Variants in RHOT1 observed in about 807,000 individuals in gnomAD.
RHOT1 encodes the protein ras homolog family member T1, also known as mitochondrial Rho GTPase 1.
RHOT1 carries 27 observed loss-of-function variants against 95.3 expected under a neutral mutation model. The observed-to-expected ratio is 0.28, with a 90% CI of 0.21 to 0.39. The LOEUF is 0.39. Among genes scored for constraint, RHOT1 ranks in the 10% least tolerant of loss-of-function variants. The probability of loss-of-function intolerance (pLI) is 1.00; values close to 1 mark genes in which losing one functional copy is unlikely to be tolerated. For missense variants in RHOT1, 578 were observed against 786.7 expected, an observed-to-expected ratio of 0.73 and a Z score of 3.17; for synonymous variants, 227 against 263.5, an observed-to-expected ratio of 0.86 and a Z score of 1.34.
chr17:32,151,207 G>A (rs769374384), intron 1 of RHOT1: 7 of 756,214 alleles, frequency 9.3e-6, no homozygotes, highest in Non-Finnish European at 1.7e-5. Flanking sequence ...CTGGGAACAT[G>A]GTCTGGCTAA....
At chr17:32,173,717 AAAAAAAG>A (rs1020908638) in intron 2 of RHOT1, 107 bp from the exon 3 acceptor site, 2 of 761,624 alleles carry the variant, frequency 2.6e-6, no homozygotes, top group South Asian at 1.8e-5. Context: ...CATTAAAAAA[AAAAAAAG>A]AAAAGAAACA....
In RHOT1 at chr17:32,183,178, C is replaced by T. The variant is rs1205433842; in HGVS notation, c.446C>T (p.Ala149Val). Residue 149 changes from alanine (A) to valine (V), a missense_variant, in exon 8 of 20, where the codon GCG (alanine) becomes GTG (valine). Ala to Val is a moderately conservative substitution (Grantham distance 64). This residue lies in a region of RHOT1 where 227 missense variants were observed against 316.0 expected (regional missense o/e 0.72). Coordinates refer to ENST00000545287, the MANE Select transcript of RHOT1 (RefSeq NM_001033566.3). ...AAAATTTTATTTTTTCAGTGTTCAG[C>T]GAAAAACCTGAAGAACATATCAGAG... ...TEIETCVECS[A>V]KNLKNISELF... The T allele has an allele frequency of 3.2e-6, 5 of 1,576,032 alleles. No individual in the cohort carries two copies. Among genetic ancestry groups the T allele is most frequent in the South Asian group, 1.2e-5 (1 of 85,188 alleles).
At chr17:32,178,212 C>CT (rs2035186293) in intron 6 of RHOT1, among the ~76,000 whole-genome samples, 1 of 149,738 alleles carries the variant, frequency 6.7e-6, no homozygotes, top group East Asian at 2.0e-4. Flanking sequence ...CTCCCCCCCC[C>CT]CAGTGATCTC....
rs909264727 is a variant in RHOT1 at position 32,142,603 on chromosome 17, C to T, written c.-90C>T. The T allele has an allele frequency of 5.0e-6, 6 of 1,200,532 alleles. No individual in the cohort carries two copies. Among genetic ancestry groups the T allele is most frequent in the Non-Finnish European group, 6.6e-6 (6 of 904,398 alleles). The allele number at this position is 1,200,532 out of a possible 1,614,324, so 74.4% of individuals were successfully genotyped here. A position where few individuals can be genotyped will look rare whatever the true frequency, so the allele number is the denominator to read the frequency against. On this transcript the variant is annotated 5_prime_UTR_variant, in exon 1 of 20. Coordinates refer to ENST00000545287, the MANE Select transcript of RHOT1 (RefSeq NM_001033566.3). ...CGGCGGGCCCCGGCGGCCGAAGAGG[C>T]TGGCAGGTGGCGCCGTGGGGTGGGT...
In RHOT1 at chr17:32,161,388, A is replaced by G. The variant is rs192052836; in HGVS notation, c.38-9655A>G. Reference sequence around the variant, plus strand: ...ATATGAAAAACATCTCAAAATGCCAATTGTAGGCTCTATTATCGTGATGTT... The same window carrying G: ...ATATGAAAAACATCTCAAAATGCCAGTTGTAGGCTCTATTATCGTGATGTT... On this transcript the variant is annotated intron_variant, in intron 1 of 19. Transcript: ENST00000545287. Among the ~76,000 whole-genome samples, 296 of 152,320 alleles carry G rather than the reference A, an allele frequency of 1.9e-3. 1 individual carries two copies. Among genetic ancestry groups the G allele is most frequent in the African/African-American group, 6.9e-3 (285 of 41,562 alleles).
chr17:32,182,865 G>C lies in RHOT1; in HGVS notation c.438G>C (p.Glu146Asp), dbSNP rs1567689320. 6.7e-7 allele frequency: 1 copy of C among 1,497,676 alleles called. No individual in the cohort carries two copies. The highest frequency in any genetic ancestry group is 1.9e-5 in the Admixed American group (1 of 51,662). The allele number at this position is 1,497,676 out of a possible 1,614,324, so 92.8% of individuals were successfully genotyped here. A position where few individuals can be genotyped will look rare whatever the true frequency, so the allele number is the denominator to read the frequency against. ...NQYTEIETCV[E>D]CSAKNLKNIS... Reference sequence around the variant, plus strand: ...ATACAGAAATAGAAACCTGTGTGGAGGTATGCCTTGTAATTTGATTTGAAA... The same window carrying C: ...ATACAGAAATAGAAACCTGTGTGGACGTATGCCTTGTAATTTGATTTGAAA... The change falls in exon 7 of 20, where the codon GAG (glutamate) becomes GAC (aspartate). Residue 146 changes from glutamate (E) to aspartate (D), a missense_variant and splice_region_variant. Coordinates refer to ENST00000545287, the MANE Select transcript of RHOT1 (RefSeq NM_001033566.3).
intron 16 of RHOT1, among the ~76,000 whole-genome samples, chr17:32,205,242 C>T (rs945671671): frequency 1.3e-5 from 2 of 151,962 alleles, no homozygotes; most frequent in Non-Finnish European, 2.9e-5. Context: ...TGTTCAACTC[C>T]CACACTTATG....
chr17:32,197,899 A>G (rs1451745791), intron 11 of RHOT1, among the ~76,000 whole-genome samples: 1 of 150,142 alleles, frequency 6.7e-6, no homozygotes, highest in Non-Finnish European at 1.5e-5. Flanking sequence ...GTTTGTTTTT[A>G]TGTTTGTTTG....
intron 19 of RHOT1, among the ~76,000 whole-genome samples, chr17:32,219,982 C>G (rs2038725126): frequency 6.6e-6 from 1 of 152,124 alleles, no homozygotes. Context: ...CATTTTTGAC[C>G]TTGTAACATT....
chr17:32,150,791 T>C, intron 1 of RHOT1: 2 of 1,567,378 alleles, frequency 1.3e-6, no homozygotes, highest in Non-Finnish European at 1.7e-6. Flanking sequence ...GGACTCTCAG[T>C]GAAGGTAGAG....
At chr17:32,194,808 A>G (rs1006206900) in intron 11 of RHOT1, among the ~76,000 whole-genome samples, 21 of 139,482 alleles carry the variant, frequency 1.5e-4, no homozygotes, top group African/African-American at 3.4e-4. Context: ...CGACTGGTCT[A>G]TTTGTGGTTC....
In RHOT1 at chr17:32,148,819, G is replaced by A. The variant is rs151155709; in HGVS notation, c.37+6090G>A. On this transcript the variant is annotated intron_variant, in intron 1 of 19. Coordinates refer to ENST00000545287, the MANE Select transcript of RHOT1 (RefSeq NM_001033566.3). The stretch of plus-strand genomic sequence containing the variant: ...AGTATGGCTGGTAGATTGGTAATTG[G>A]AACCAGAGAATGTTATTTCTGCTTC... Among the ~76,000 whole-genome samples, 334 of 152,306 alleles carry A rather than the reference G, an allele frequency of 2.2e-3. 1 individual carries two copies. Among genetic ancestry groups the A allele is most frequent in the African/African-American group, 7.5e-3 (312 of 41,578 alleles).
intron 9 of RHOT1, among the ~76,000 whole-genome samples, chr17:32,192,830 C>T (rs2036598270): frequency 1.3e-5 from 2 of 152,060 alleles, no homozygotes; most frequent in African/African-American, 4.8e-5. Context: ...CGCCACAACA[C>T]CCAGCTAATT....
chr17:32,224,649 G>A lies in RHOT1; in HGVS notation c.1896G>A (p.Thr632=), dbSNP rs763253696. 17 of 1,613,314 alleles carry A rather than the reference G, an allele frequency of 1.1e-5. No homozygotes were observed. The highest frequency in any genetic ancestry group is 1.7e-5 in the Admixed American group (1 of 59,972). ...CACAAGCTGACCTCAAGAGCTCCAC[G>A]TTTTGGCTTCGAGCAAGTTTTGGTG... ...HVTQADLKSS[T]FWLRASFGAT... is the part of the protein sequence containing the mutation. Residue 632 remains threonine (T), a synonymous_variant, in exon 20 of 20, where the codon ACG becomes ACA. Transcript: ENST00000545287.
intron 19 of RHOT1, among the ~76,000 whole-genome samples, chr17:32,219,337 A>G (rs2038681908): frequency 6.6e-6 from 1 of 152,178 alleles, no homozygotes; most frequent in Non-Finnish European, 1.5e-5. Context: ...TATGTTGCCC[A>G]GGCTGGTCTT....
At chr17:32,207,204 C>A in intron 17 of RHOT1, 175 bp downstream of exon 17, 1 of 557,340 alleles carries the variant, frequency 1.8e-6, no homozygotes, top group Non-Finnish European at 3.0e-6. Flanking sequence ...GGTAGAGTCT[C>A]AGACATACAT....
intron 18 of RHOT1, chr17:32,209,394 C>A: frequency 6.2e-7 from 1 of 1,611,752 alleles, no homozygotes; most frequent in Non-Finnish European, 8.5e-7. Context: ...ATGGGCCACA[C>A]TGATAGAATA....
intron 15 of RHOT1, among the ~76,000 whole-genome samples, chr17:32,203,472 C>T (rs538680211): frequency 8.6e-5 from 13 of 151,562 alleles, no homozygotes; most frequent in Admixed American, 8.5e-4. Context: ...GATGGGGTTT[C>T]GCCATGTTGC....
chr17:32,149,635 A>ATATATATATATGTGTGTGTGTGTGTGTG (rs1445281403), intron 1 of RHOT1, among the ~76,000 whole-genome samples: 2 of 59,074 alleles, frequency 3.4e-5, no homozygotes, highest in Non-Finnish European at 6.8e-5. Flanking sequence ...ATATATATAT[A>ATATATATATATGTGTGTGTGTGTGTGTG]TGTGTGTGTG....
Sources: gnomAD v4.1 joint callset for allele counts (sites outside exome capture counted in the v4.1 genomes callset) on GRCh38, gnomAD v4.1.1 for gene constraint, gnomAD v4.1.1 regional missense constraint, MANE v1.5 for transcripts, NCBI Gene and HGNC (gene_info 2026-07-23, HGNC 2026-07-21) for gene names.